EXOC4: variants seen among roughly 807,000 people sequenced by gnomAD.
The protein encoded by EXOC4 is SEC8-like 1.
A neutral mutation model predicts 107.2 loss-of-function variants in EXOC4; 71 were observed. That is an observed-to-expected ratio of 0.66 (90% confidence interval 0.55 to 0.81). The LOEUF (loss-of-function observed/expected upper bound fraction) is 0.81. Among genes scored for constraint, EXOC4 ranks in the 30% least tolerant of loss-of-function variants. The pLI is 0.00. For synonymous variants in EXOC4, 456 were observed against 441.2 expected, an observed-to-expected ratio of 1.03 and a Z score of -0.42; for missense variants, 1,108 against 1,189.6, an observed-to-expected ratio of 0.93 and a Z score of 1.01.
intron 9 of EXOC4, among the ~76,000 whole-genome samples, chr7:133,515,291 C>T (rs1799850648): frequency 6.6e-6 from 1 of 151,632 alleles, no homozygotes; most frequent in South Asian, 2.1e-4. Context: ...TGTATATCTT[C>T]CAACCATGGA....
At chr7:133,477,887 C>T (rs781547987) in intron 8 of EXOC4, among the ~76,000 whole-genome samples, 1 of 152,180 alleles carries the variant, frequency 6.6e-6, no homozygotes, top group Non-Finnish European at 1.5e-5. Context: ...TAGTCACTGG[C>T]AAGGGGAAGC....
chr7:133,458,931 A>C (rs1331552105), intron 7 of EXOC4, among the ~76,000 whole-genome samples: 2 of 131,728 alleles, frequency 1.5e-5, no homozygotes. Flanking sequence ...ACCTGTACTT[A>C]ACCTTTAATT....
At chr7:133,372,920 T>C (rs1043064323) in intron 6 of EXOC4, among the ~76,000 whole-genome samples, 5 of 152,224 alleles carry the variant, frequency 3.3e-5, no homozygotes, top group Non-Finnish European at 7.4e-5. Context: ...GATTTTCCTA[T>C]CAAGAGAGTA....
chr7:133,511,986 C>A (rs1799778695), intron 9 of EXOC4, among the ~76,000 whole-genome samples: 1 of 152,228 alleles, frequency 6.6e-6, no homozygotes, highest in African/African-American at 2.4e-5. Flanking sequence ...TTTTCTCCTC[C>A]TGCTCAGCTT....
intron 11 of EXOC4, among the ~76,000 whole-genome samples, chr7:133,827,402 G>A (rs996082805): frequency 2.6e-5 from 4 of 152,122 alleles, no homozygotes; most frequent in Non-Finnish European, 5.9e-5. Flanking sequence ...TCTTAGAGAA[G>A]TTCCTAGTTA....
intron 10 of EXOC4, among the ~76,000 whole-genome samples, chr7:133,660,773 T>C (rs7792396): frequency 0.45 from 68,862 of 151,986 alleles, 15,876 homozygotes; most frequent in South Asian, 0.62. Context: ...TCATTAAAGT[T>C]GAGTACAGAA....
intron 5 of EXOC4, among the ~76,000 whole-genome samples, chr7:133,334,631 G>C (rs1795469028): frequency 6.6e-6 from 1 of 152,130 alleles, no homozygotes; most frequent in Non-Finnish European, 1.5e-5. Context: ...ATGGGGGTTT[G>C]TTGTATAGAT....
rs573239550 is a variant in EXOC4 at position 133,641,015 on chromosome 7, A to G, written c.1514+10874A>G. Among the ~76,000 whole-genome samples the G allele has an allele frequency of 1.2e-4, 19 of 152,244 alleles. No individual in the cohort carries two copies. The South Asian group carries it at 2.1e-3, about 17-fold the overall frequency. ...TAGCCTCCATACCTGGCGTAAGTCAATGTTCTTAAGCCAACATTAATATGT... is the reference window on the plus strand; with the variant it reads ...TAGCCTCCATACCTGGCGTAAGTCAGTGTTCTTAAGCCAACATTAATATGT... On this transcript the variant is annotated intron_variant, in intron 10 of 17. Transcript: ENST00000253861.
intron 9 of EXOC4, among the ~76,000 whole-genome samples, chr7:133,552,342 A>C (rs1800606561): frequency 6.6e-6 from 1 of 152,186 alleles, no homozygotes; most frequent in Admixed American, 6.6e-5. Flanking sequence ...AGCTGTTTTA[A>C]TAGACAGGGC....
chr7:133,646,333 G>C (rs1405379626), intron 10 of EXOC4, among the ~76,000 whole-genome samples: 2 of 152,154 alleles, frequency 1.3e-5, no homozygotes, highest in African/African-American at 4.8e-5. Flanking sequence ...GGAGGCCTCT[G>C]CTGACACATT....
At chr7:133,737,936 G>A (rs1477591431) in intron 10 of EXOC4, among the ~76,000 whole-genome samples, 1 of 107,730 alleles carries the variant, frequency 9.3e-6, no homozygotes, top group Admixed American at 1.1e-4. Context: ...TTTTGAGACG[G>A]GGTCTTGCTC....
intron 17 of EXOC4, among the ~76,000 whole-genome samples, chr7:134,052,561 A>G (rs1435365389): frequency 2.0e-5 from 3 of 152,188 alleles, no homozygotes; most frequent in Non-Finnish European, 4.4e-5. Flanking sequence ...ATATACATGA[A>G]CAATGGCCAA....
intron 7 of EXOC4, among the ~76,000 whole-genome samples, chr7:133,415,573 T>C (rs1797456423): frequency 6.6e-6 from 1 of 152,164 alleles, no homozygotes; most frequent in Non-Finnish European, 1.5e-5. Flanking sequence ...GTAAAGCATG[T>C]AAAACATTGG....
At position 133,762,150 on chromosome 7, in the gene EXOC4, T is replaced by C. The variant is rs183032284; in HGVS notation, c.1515-55175T>C. Among the ~76,000 whole-genome samples, 34 of 152,294 alleles carry C rather than the reference T, an allele frequency of 2.2e-4. No individual in the cohort carries two copies. The East Asian group carries it at 6.4e-3, about 29-fold the overall frequency. On this transcript the variant is annotated intron_variant, in intron 10 of 17. Coordinates refer to ENST00000253861, the MANE Select transcript of EXOC4 (RefSeq NM_021807.4). ...AGAGATATGTATTTTTTTCTTTTCA[T>C]GTATGTATGTCTTATATCCCCAATT... is the stretch of plus-strand genomic sequence containing the variant.
chr7:133,913,486 C>T (rs913486808), intron 12 of EXOC4, among the ~76,000 whole-genome samples: 5 of 152,120 alleles, frequency 3.3e-5, no homozygotes, highest in African/African-American at 9.7e-5. Context: ...AGGTTAATAG[C>T]AGTGAACCTG....
At chr7:133,466,400 G>C (rs1267770809) in intron 7 of EXOC4, among the ~76,000 whole-genome samples, 8 of 152,126 alleles carry the variant, frequency 5.3e-5, no homozygotes, top group Non-Finnish European at 1.2e-4. Context: ...ATAACTACAG[G>C]CTCTACAGAA....
intron 7 of EXOC4, among the ~76,000 whole-genome samples, chr7:133,456,366 A>G (rs1245499778): frequency 6.6e-6 from 1 of 152,158 alleles, no homozygotes; most frequent in Non-Finnish European, 1.5e-5. Flanking sequence ...TTATATCTCC[A>G]CTGTGTGAAA....
intron 14 of EXOC4, among the ~76,000 whole-genome samples, chr7:133,958,332 G>T (rs941012428): frequency 6.6e-6 from 1 of 151,408 alleles, no homozygotes; most frequent in African/African-American, 2.4e-5. Flanking sequence ...TATAGTACTG[G>T]GACGTTCCTC....
chr7:133,285,962 G>A (rs1213345724), intron 2 of EXOC4, among the ~76,000 whole-genome samples: 1 of 152,018 alleles, frequency 6.6e-6, no homozygotes, highest in East Asian at 1.9e-4. Context: ...GTCTCCCTGT[G>A]TTGCCAAGGT....
Sources: allele counts gnomAD v4.1 joint callset (sites outside exome capture counted in the v4.1 genomes callset), GRCh38; gene constraint gnomAD v4.1.1; transcripts MANE v1.5; gene names NCBI Gene and HGNC (gene_info 2026-07-23, HGNC 2026-07-21).